The following ATP9B variants were observed in gnomAD, a reference collection of about 807,000 sequenced individuals.
ATP9B encodes probable phospholipid-transporting ATPase IIB.
ATP9B carries 110 observed loss-of-function variants against 146.1 expected under a neutral mutation model. That is an observed-to-expected ratio of 0.75 (90% CI 0.65 to 0.88). ATP9B has a LOEUF of 0.88. ATP9B is among the 40% of genes least tolerant of loss of function. The probability of loss-of-function intolerance (pLI) is 0.00; values close to 1 mark genes in which losing one functional copy is unlikely to be tolerated. For synonymous variants in ATP9B, 604 were observed against 569.7 expected (o/e 1.06, Z -0.86); for missense variants, 1,499 against 1,496.4 (o/e 1.00, Z -0.03).
At chr18:79,080,787 T>C (rs2073165290) in intron 1 of ATP9B, among the ~76,000 whole-genome samples, 1 of 152,250 alleles carries the variant, frequency 6.6e-6, no homozygotes, top group Non-Finnish European at 1.5e-5. Flanking sequence ...TATTTTGAGA[T>C]ACATTCCATC....
chr18:79,114,400 A>G (rs940091306), intron 4 of ATP9B, among the ~76,000 whole-genome samples: 2 of 152,290 alleles, frequency 1.3e-5, no homozygotes, highest in East Asian at 1.9e-4. Context: ...GGCCTTCCAC[A>G]TGGCGAGCCG....
At chr18:79,255,100 A>T (rs139555685) in intron 12 of ATP9B, 1 of 152,250 alleles carries the variant, frequency 6.6e-6, no homozygotes, top group Non-Finnish European at 1.5e-5. Flanking sequence ...TATTTGTTGA[A>T]TGGACCCATT....
At chr18:79,135,428 T>C (rs2094436024) in intron 5 of ATP9B, among the ~76,000 whole-genome samples, 1 of 152,202 alleles carries the variant, frequency 6.6e-6, no homozygotes, top group East Asian at 1.9e-4. Context: ...GCCTTCTTGC[T>C]CTCATTAAAC....
chr18:79,329,314 G>A lies in ATP9B; in HGVS notation c.1935+12G>A. ...GCGTCATCGTCAGGGTGAGGCTGCGGGGAGGGTGCCACGCGATGGCTTCAG... is the reference window on the plus strand; with the variant it reads ...GCGTCATCGTCAGGGTGAGGCTGCGAGGAGGGTGCCACGCGATGGCTTCAG... On this transcript the variant is annotated intron_variant, in intron 16 of 29. Coordinates refer to ENST00000426216, the MANE Select transcript of ATP9B (RefSeq NM_198531.5). 1 of 1,580,266 alleles carries A rather than the reference G, an allele frequency of 6.3e-7. No individual in the cohort carries two copies. The highest frequency in any genetic ancestry group is 1.8e-5 in the Admixed American group (1 of 55,882).
intron 13 of ATP9B, among the ~76,000 whole-genome samples, chr18:79,285,325 A>C (rs1277088908): frequency 6.6e-6 from 1 of 152,100 alleles, no homozygotes; most frequent in Non-Finnish European, 1.5e-5. Flanking sequence ...AACTGGTGTG[A>C]GATGGTATCT....
chr18:79,164,926 T>C (rs1014760090), intron 7 of ATP9B, among the ~76,000 whole-genome samples: 6 of 152,112 alleles, frequency 3.9e-5, no homozygotes, highest in African/African-American at 1.4e-4. Context: ...GAGGGTATTA[T>C]GGATGTGGAT....
chr18:79,348,028 A>G, intron 24 of ATP9B, 103 bp downstream of exon 24: 1 of 1,598,606 alleles, frequency 6.3e-7, no homozygotes, highest in African/African-American at 1.4e-5. Context: ...TGCTGCCGGA[A>G]GTACCTGGGC....
intron 2 of ATP9B, among the ~76,000 whole-genome samples, chr18:79,109,249 A>G (rs1327819103): frequency 6.6e-6 from 1 of 152,114 alleles, no homozygotes; most frequent in African/African-American, 2.4e-5. Flanking sequence ...TTTAAATTAA[A>G]CCAAAATTTT....
intron 26 of ATP9B, among the ~76,000 whole-genome samples, chr18:79,371,111 C>T (rs949640831): frequency 5.9e-5 from 9 of 152,246 alleles, no homozygotes; most frequent in Middle Eastern, 3.4e-3. Flanking sequence ...CGGTGGCTCA[C>T]ACCTGTAATC....
intron 6 of ATP9B, among the ~76,000 whole-genome samples, chr18:79,151,441 C>A (rs541373199): frequency 3.3e-5 from 5 of 152,084 alleles, no homozygotes; most frequent in African/African-American, 7.2e-5. Context: ...GTTTTCCTGT[C>A]GATGGGTTTT....
chr18:79,331,206 C>T (rs2096788319), intron 17 of ATP9B, among the ~76,000 whole-genome samples: 1 of 152,176 alleles, frequency 6.6e-6, no homozygotes, highest in Admixed American at 6.5e-5. Context: ...CCTGGGACCT[C>T]AGAGATGGTC....
intron 26 of ATP9B, among the ~76,000 whole-genome samples, chr18:79,371,972 G>A (rs574056313): frequency 1.5e-4 from 23 of 152,328 alleles, no homozygotes; most frequent in African/African-American, 4.6e-4. Context: ...TGGAAACGAC[G>A]TCTGCTCTGT....
chr18:79,310,256 G>A (rs1420527217), intron 15 of ATP9B, among the ~76,000 whole-genome samples: 3 of 152,232 alleles, frequency 2.0e-5, no homozygotes, highest in Admixed American at 2.0e-4. Flanking sequence ...GCCTCATCAT[G>A]CACAGTACGG....
chr18:79,127,646 G>C (rs949521254), intron 5 of ATP9B, among the ~76,000 whole-genome samples: 1 of 152,170 alleles, frequency 6.6e-6, no homozygotes, highest in African/African-American at 2.4e-5. Context: ...CTTTGTGACC[G>C]TTGTGAATAA....
At position 79,154,682 on chromosome 18, in the gene ATP9B, G is replaced by A. The variant is rs114455246; in HGVS notation, c.778+127G>A. 103 of 532,860 alleles carry A rather than the reference G, an allele frequency of 1.9e-4. No homozygotes were observed. The South Asian group carries it at 4.6e-3, about 24-fold the overall frequency. The allele number at this position is 532,860 out of a possible 1,614,324, so 33.0% of individuals were successfully genotyped here. ...ATGCTGCAGCAATGAGGAATATTCTGTAGAAATGCTATTTTACTTTGAATG... is the reference window on the plus strand; with the variant it reads ...ATGCTGCAGCAATGAGGAATATTCTATAGAAATGCTATTTTACTTTGAATG... On this transcript the variant is annotated intron_variant, in intron 7 of 29. Transcript: ENST00000426216.
chr18:79,280,586 G>A lies in ATP9B; in HGVS notation c.1411+3390G>A, dbSNP rs2096365990. Among the ~76,000 whole-genome samples the A allele has an allele frequency of 3.3e-5, 5 of 151,704 alleles. No individual in the cohort carries two copies. The South Asian group carries it at 1.0e-3, about 31-fold the overall frequency. On this transcript the variant is annotated intron_variant, in intron 13 of 29. Coordinates refer to ENST00000426216, the MANE Select transcript of ATP9B (RefSeq NM_198531.5). Reference sequence around the variant, plus strand: ...AATGTTTAGATCTCTTTTTTTTATTGATTAGCCAAGCAGGCAGTTCAGAAG... The same window carrying A: ...AATGTTTAGATCTCTTTTTTTTATTAATTAGCCAAGCAGGCAGTTCAGAAG...
At chr18:79,116,940 T>TAAAAAAAAAAAAAAAAAAAAAAAAAAA (rs377608135) in intron 4 of ATP9B, among the ~76,000 whole-genome samples, 1 of 106,802 alleles carries the variant, frequency 9.4e-6, no homozygotes, top group Non-Finnish European at 1.9e-5. Flanking sequence ...AAAAAAAAAT[T>TAAAAAAAAAAAAAAAAAAAAAAAAAAA]AAAAAAAAAA....
chr18:79,264,945 T>C (rs2096186713), intron 12 of ATP9B, among the ~76,000 whole-genome samples: 1 of 152,228 alleles, frequency 6.6e-6, no homozygotes, highest in Non-Finnish European at 1.5e-5. Context: ...TATCCTCATG[T>C]GCAGGTTTGT....
At chr18:79,183,156 G>A (rs1043253640) in intron 8 of ATP9B, among the ~76,000 whole-genome samples, 1 of 152,106 alleles carries the variant, frequency 6.6e-6, no homozygotes, top group African/African-American at 2.4e-5. Context: ...ATCCTTTCAT[G>A]TTAGGAATTG....
Sources: allele counts gnomAD v4.1 joint callset (sites outside exome capture counted in the v4.1 genomes callset), GRCh38; gene constraint gnomAD v4.1.1; transcripts MANE v1.5; gene names NCBI Gene and HGNC (gene_info 2026-07-23, HGNC 2026-07-21).